The following LY75 variants were observed in gnomAD, a reference collection of about 807,000 sequenced individuals.
LY75 encodes the protein lymphocyte antigen 75.
Under a neutral mutation model 231.7 loss-of-function variants are expected in LY75, and 185 were observed. The ratio of observed to expected loss-of-function variants is 0.80; its 90% confidence interval spans 0.71 to 0.90. LY75 has a LOEUF of 0.90. Among genes scored for constraint, LY75 ranks in the 40% least tolerant of loss-of-function variants. The pLI is 0.00. For missense variants in LY75, 1,947 were observed against 2,050.2 expected (o/e 0.95, Z 0.97); for synonymous variants, 668 against 689.0 (o/e 0.97, Z 0.48).
intron 31 of LY75, among the ~76,000 whole-genome samples, chr2:159,811,735 A>G (rs1338908781): frequency 6.6e-6 from 1 of 152,024 alleles, no homozygotes; most frequent in Non-Finnish European, 1.5e-5. Context: ...CTGCTTCTCT[A>G]TCTTCTGTTA....
At chr2:159,811,333 G>C (rs1682955419) in intron 31 of LY75, among the ~76,000 whole-genome samples, 1 of 152,138 alleles carries the variant, frequency 6.6e-6, no homozygotes, top group Non-Finnish European at 1.5e-5. Flanking sequence ...TGGCTTCTTA[G>C]CTCTTAAAAA....
chr2:159,841,326 A>G (rs189909735), intron 24 of LY75, among the ~76,000 whole-genome samples: 2 of 152,194 alleles, frequency 1.3e-5, no homozygotes, highest in Non-Finnish European at 2.9e-5. Context: ...AGCTAGCATG[A>G]AGAAATGTAA....
intron 27 of LY75, among the ~76,000 whole-genome samples, chr2:159,832,602 A>T (rs1178544486): frequency 6.6e-6 from 1 of 152,224 alleles, no homozygotes; most frequent in Non-Finnish European, 1.5e-5. Context: ...TTCAGAAAAG[A>T]TCTACATGGA....
At chr2:159,824,283 GAAAAC>G (rs1286021917) in intron 28 of LY75, among the ~76,000 whole-genome samples, 2 of 151,470 alleles carry the variant, frequency 1.3e-5, no homozygotes, top group Non-Finnish European at 2.9e-5. Flanking sequence ...CAAGCAAATG[GAAAAC>G]AAAACAAAAA....
chr2:159,850,086 C>A lies in LY75; in HGVS notation c.3044G>T (p.Arg1015Leu), dbSNP rs758659085. Reference sequence around the variant, plus strand: ...GTTTATCTTTTCATAGGCAGTCCAGCGCAAACCAATCCATAAAGTAGCTTC... The same window carrying A: ...GTTTATCTTTTCATAGGCAGTCCAGAGCAAACCAATCCATAAAGTAGCTTC... ...DMEATLWIGL[R>L]WTAYEKINKW... Residue 1015 changes from arginine to leucine, a missense_variant, in exon 23 of 35, where the codon CGC (arginine) becomes CTC (leucine). Transcript: ENST00000263636. 1 of 1,613,844 alleles carries A rather than the reference C, an allele frequency of 6.2e-7. No homozygotes were observed.
At chr2:159,854,294 T>G in intron 18 of LY75, 66 bp downstream of exon 18, 1 of 1,205,516 alleles carries the variant, frequency 8.3e-7, no homozygotes, top group Non-Finnish European at 1.1e-6. Context: ...AAAATTTTTG[T>G]AATATTTTTA....
chr2:159,886,561 A>G (rs758085682), intron 4 of LY75, 31 bp from the exon 5 acceptor site: 2 of 1,566,188 alleles, frequency 1.3e-6, no homozygotes, highest in Admixed American at 1.8e-5. Flanking sequence ...TTAAAAAGTG[A>G]CAAAGTTGCC....
chr2:159,874,738 T>C (rs1346052647), intron 12 of LY75, among the ~76,000 whole-genome samples: 2 of 6,192 alleles, frequency 3.2e-4, no homozygotes, highest in Admixed American at 1.5e-3. Context: ...TAAATATATG[T>C]AAATATATAT....
intron 2 of LY75, among the ~76,000 whole-genome samples, chr2:159,897,493 C>G (rs1685939021): frequency 6.6e-6 from 1 of 152,186 alleles, no homozygotes; most frequent in African/African-American, 2.4e-5. Flanking sequence ...ATCTCTAATT[C>G]TCTAATATTT....
At chr2:159,832,394 T>A (rs74581760) in intron 27 of LY75, among the ~76,000 whole-genome samples, 4,979 of 152,264 alleles carry the variant, frequency 0.033, 281 homozygotes, top group African/African-American at 0.11. Flanking sequence ...ATACTCCTTA[T>A]GAGAATCTAA....
chr2:159,881,627 T>C (rs1427471835), intron 7 of LY75, among the ~76,000 whole-genome samples: 2 of 152,126 alleles, frequency 1.3e-5, no homozygotes, highest in African/African-American at 4.8e-5. Context: ...TGGCACTGAG[T>C]AGGTACCTAC....
At chr2:159,831,876 T>G in intron 27 of LY75, 90 bp from the exon 28 acceptor site, 1 of 1,009,382 alleles carries the variant, frequency 9.9e-7, no homozygotes, top group African/African-American at 1.7e-5. Context: ...GTTCTCAGTT[T>G]AATATACTTC....
intron 16 of LY75, among the ~76,000 whole-genome samples, chr2:159,855,561 G>A (rs1684523815): frequency 6.6e-6 from 1 of 152,204 alleles, no homozygotes; most frequent in African/African-American, 2.4e-5. Flanking sequence ...TTCCGGGTTG[G>A]AAGCTGGGCG....
At chr2:159,842,425 G>A (rs773929038) in intron 23 of LY75, 51 bp from the exon 24 acceptor site, 1 of 1,534,384 alleles carries the variant, frequency 6.5e-7, no homozygotes, top group South Asian at 1.2e-5. Flanking sequence ...ATGGTCTGAA[G>A]CTCCTAGCAA....
chr2:159,827,434 A>G (rs913113365), intron 28 of LY75, among the ~76,000 whole-genome samples: 6 of 152,118 alleles, frequency 3.9e-5, no homozygotes, highest in Non-Finnish European at 8.8e-5. Flanking sequence ...AGTTAGAATG[A>G]CAATCATTAA....
chr2:159,852,968 G>A lies in LY75; in HGVS notation c.2743+305C>T, dbSNP rs192081567. On this transcript the variant is annotated intron_variant, in intron 20 of 34. Coordinates refer to ENST00000263636, the MANE Select transcript of LY75 (RefSeq NM_002349.4). ...AAGGGGCAATGTAATCAGGGGGAGG[G>A]GACTTAAACTATATTTTAGAACTGC... Among the ~76,000 whole-genome samples, 174 of 152,042 alleles carry A rather than the reference G, an allele frequency of 1.1e-3. 1 individual carries two copies. In the Middle Eastern group the frequency reaches 0.041, roughly 36 times the overall value.
intron 23 of LY75, among the ~76,000 whole-genome samples, chr2:159,846,142 G>T (rs1479519375): frequency 1.3e-5 from 2 of 151,686 alleles, no homozygotes; most frequent in Non-Finnish European, 2.9e-5. Flanking sequence ...AAGTGGCTAG[G>T]ATTAGGGAAA....
At chr2:159,843,047 G>A (rs1246362780) in intron 23 of LY75, among the ~76,000 whole-genome samples, 1 of 151,848 alleles carries the variant, frequency 6.6e-6, no homozygotes, top group African/African-American at 2.4e-5. Flanking sequence ...AAAAAAATTG[G>A]TATGAGTAAA....
chr2:159,873,883 G>A lies in LY75; in HGVS notation c.1975-1290C>T, dbSNP rs1244844009. Among the ~76,000 whole-genome samples, 19 of 94,578 alleles carry A rather than the reference G, an allele frequency of 2.0e-4. 1 individual carries two copies. The highest frequency in any genetic ancestry group is 3.8e-4 in the Admixed American group (3 of 7,906). The allele number at this position is 94,578 out of a possible 152,430, so 62.0% of individuals were successfully genotyped here. On this transcript the variant is annotated intron_variant, in intron 12 of 34. Coordinates refer to ENST00000263636, the MANE Select transcript of LY75 (RefSeq NM_002349.4). ...ATATTTTGTAAAAATACATATAAAC[G>A]TATATATTTTGTAAAAATACATATA...
Sources: gnomAD v4.1 joint callset for allele counts (sites outside exome capture counted in the v4.1 genomes callset) on GRCh38, gnomAD v4.1.1 for gene constraint, MANE v1.5 for transcripts, NCBI Gene and HGNC (gene_info 2026-07-23, HGNC 2026-07-21) for gene names.